Variants in KCNK10 observed in about 807,000 individuals in gnomAD.
The protein encoded by KCNK10 is potassium channel subfamily K member 10.
Under a neutral mutation model 47.7 loss-of-function variants are expected in KCNK10, and 25 were observed. The observed-to-expected ratio is 0.52, with a 90% CI of 0.38 to 0.73. The LOEUF (loss-of-function observed/expected upper bound fraction) is 0.73, where lower values mean the gene tolerates loss of function less well. KCNK10 is among the 30% of genes least tolerant of loss of function. The probability of loss-of-function intolerance (pLI) is 0.00; values close to 1 mark genes in which losing one functional copy is unlikely to be tolerated. For missense variants in KCNK10, 563 were observed against 714.5 expected (o/e 0.79, Z 2.42); for synonymous variants, 303 against 285.6 (o/e 1.06, Z -0.61).
chr14:88,291,702 A>G (rs899234478), intron 1 of KCNK10, among the ~76,000 whole-genome samples: 3 of 152,194 alleles, frequency 2.0e-5, no homozygotes, highest in Non-Finnish European at 4.4e-5. Context: ...CATGTGAATG[A>G]TGCCCTCTGG....
At chr14:88,267,084 C>G (rs1335816416) in intron 1 of KCNK10, among the ~76,000 whole-genome samples, 1 of 152,232 alleles carries the variant, frequency 6.6e-6, no homozygotes, top group African/African-American at 2.4e-5. Flanking sequence ...TCGAAACTGT[C>G]ACTTAGTTTC....
chr14:88,305,501 G>A (rs1888186581), intron 1 of KCNK10, among the ~76,000 whole-genome samples: 1 of 152,112 alleles, frequency 6.6e-6, no homozygotes, highest in Non-Finnish European at 1.5e-5. Context: ...TTGTTCTGAA[G>A]ATATCTTGGG....
chr14:88,214,450 C>T (rs142262364), intron 4 of KCNK10, among the ~76,000 whole-genome samples: 1 of 152,310 alleles, frequency 6.6e-6, no homozygotes, highest in Non-Finnish European at 1.5e-5. Context: ...CTTTGCCTGG[C>T]AACTGCTCTC....
At chr14:88,192,536 G>A in intron 4 of KCNK10, 126 bp from the exon 5 acceptor site, 1 of 778,832 alleles carries the variant, frequency 1.3e-6, no homozygotes, top group Non-Finnish European at 2.0e-6. Context: ...GCTGCTTGGA[G>A]GAAATTTGAT....
At chr14:88,208,576 A>G (rs1885357205) in intron 4 of KCNK10, among the ~76,000 whole-genome samples, 2 of 152,218 alleles carry the variant, frequency 1.3e-5, no homozygotes, top group African/African-American at 4.8e-5. Context: ...AGAATACCAT[A>G]TGGCATTTAC....
chr14:88,195,887 C>T (rs1884896317), intron 4 of KCNK10, among the ~76,000 whole-genome samples: 1 of 152,210 alleles, frequency 6.6e-6, no homozygotes, highest in Non-Finnish European at 1.5e-5. Flanking sequence ...AGCTGTGTTT[C>T]CACGGTGGGG....
chr14:88,220,497 G>A (rs1296391254), intron 4 of KCNK10, among the ~76,000 whole-genome samples: 4 of 132,428 alleles, frequency 3.0e-5, no homozygotes, highest in African/African-American at 1.1e-4. Flanking sequence ...TGATATTGGA[G>A]AAAGAATAGA....
chr14:88,281,724 CT>C (rs1396459239), intron 1 of KCNK10, among the ~76,000 whole-genome samples: 9 of 101,606 alleles, frequency 8.9e-5, no homozygotes, highest in East Asian at 3.7e-4. Flanking sequence ...CTCTCTCTCT[CT>C]CCATATATAT....
intron 1 of KCNK10, among the ~76,000 whole-genome samples, chr14:88,271,722 T>G (rs780028318): frequency 1.1e-4 from 17 of 152,230 alleles, no homozygotes; most frequent in Non-Finnish European, 1.9e-4. Context: ...GGGGTCCCTC[T>G]GACTGGGGCC....
intron 2 of KCNK10, among the ~76,000 whole-genome samples, chr14:88,249,139 T>C (rs1367548586): frequency 2.0e-5 from 3 of 152,308 alleles, no homozygotes; most frequent in African/African-American, 7.2e-5. Flanking sequence ...AAGTCATAAT[T>C]TGTATGTCTC....
chr14:88,268,611 C>A (rs527828193), intron 1 of KCNK10, among the ~76,000 whole-genome samples: 4 of 152,082 alleles, frequency 2.6e-5, no homozygotes, highest in African/African-American at 4.8e-5. Context: ...AAAATAGGAA[C>A]GACATTTGTT....
chr14:88,231,100 C>T (rs989034570), intron 3 of KCNK10, among the ~76,000 whole-genome samples: 1 of 151,820 alleles, frequency 6.6e-6, no homozygotes, highest in Non-Finnish European at 1.5e-5. Context: ...TATTGTGAGC[C>T]CTTGTCTCTA....
At chr14:88,261,320 G>A (rs1887105363) in intron 2 of KCNK10, among the ~76,000 whole-genome samples, 1 of 151,916 alleles carries the variant, frequency 6.6e-6, no homozygotes, top group African/African-American at 2.4e-5. Context: ...TCACAACAAT[G>A]TGTATAAATG....
intron 1 of KCNK10, among the ~76,000 whole-genome samples, chr14:88,300,479 C>T (rs1014053053): frequency 2.0e-5 from 3 of 152,178 alleles, no homozygotes; most frequent in Admixed American, 2.0e-4. Context: ...TAAGCATATA[C>T]CACAAGCACT....
intron 1 of KCNK10, among the ~76,000 whole-genome samples, chr14:88,311,828 C>T (rs979349652): frequency 2.0e-5 from 3 of 148,542 alleles, no homozygotes; most frequent in African/African-American, 7.5e-5. Context: ...AAGTCAGTCC[C>T]TTGTCAGGGT....
At chr14:88,208,788 A>T (rs543693326) in intron 4 of KCNK10, among the ~76,000 whole-genome samples, 1 of 152,260 alleles carries the variant, frequency 6.6e-6, no homozygotes, top group East Asian at 1.9e-4. Flanking sequence ...GCTCAAGCTA[A>T]TCTGCAAAAT....
At chr14:88,318,627 G>A (rs573864067) in intron 1 of KCNK10, among the ~76,000 whole-genome samples, 28 of 152,268 alleles carry the variant, frequency 1.8e-4, no homozygotes, top group East Asian at 5.8e-4. Context: ...AATTCCAAGC[G>A]CAAAGGCCCT....
chr14:88,244,390 C>T (rs191634629), intron 2 of KCNK10, among the ~76,000 whole-genome samples: 17 of 152,186 alleles, frequency 1.1e-4, no homozygotes, highest in Admixed American at 2.0e-4. Context: ...TTTTCTCAGC[C>T]GGGCACGGTG....
At chr14:88,192,138 A>G in intron 5 of KCNK10, 86 bp downstream of exon 5, 2 of 1,299,568 alleles carry the variant, frequency 1.5e-6, no homozygotes, top group South Asian at 2.9e-5. Context: ...TTCTCCCGCA[A>G]CATCTTTTAT....
Sources: allele counts gnomAD v4.1 joint callset (sites outside exome capture counted in the v4.1 genomes callset), GRCh38; gene constraint gnomAD v4.1.1; transcripts MANE v1.5; gene names NCBI Gene and HGNC (gene_info 2026-07-23, HGNC 2026-07-21).